The following MGAT5B variants were observed in gnomAD, a reference collection of about 807,000 sequenced individuals.
The protein encoded by MGAT5B is N-acetylglucosaminyl-transferase Vb.
Under a neutral mutation model 95.1 loss-of-function variants are expected in MGAT5B, and 54 were observed. The ratio of observed to expected loss-of-function variants is 0.57; its 90% CI spans 0.46 to 0.71. The LOEUF (loss-of-function observed/expected upper bound fraction) is 0.71. Among genes scored for constraint, MGAT5B ranks in the 30% least tolerant of loss-of-function variants. The pLI, the probability that MGAT5B is intolerant of heterozygous loss-of-function variation, is 0.00. For missense variants in MGAT5B, 935 were observed against 1,088.6 expected (o/e 0.86, Z 1.99); for synonymous variants, 464 against 451.0 (o/e 1.03, Z -0.36).
intron 2 of MGAT5B, among the ~76,000 whole-genome samples, chr17:76,876,210 C>G (rs889493992): frequency 6.6e-6 from 1 of 152,080 alleles, no homozygotes; most frequent in African/African-American, 2.4e-5. Flanking sequence ...CCTGGGGCAG[C>G]CCTGCAGAAA....
At chr17:76,946,207 C>T (rs573741703) in intron 15 of MGAT5B, 169 bp from the exon 16 acceptor site, 8 of 557,744 alleles carry the variant, frequency 1.4e-5, no homozygotes, top group Middle Eastern at 4.6e-4. Flanking sequence ...GTGCGGGGAA[C>T]GGGGACTCTG....
intron 10 of MGAT5B, among the ~76,000 whole-genome samples, chr17:76,927,724 G>A (rs1372230812): frequency 6.6e-6 from 1 of 152,220 alleles, no homozygotes; most frequent in Non-Finnish European, 1.5e-5. Flanking sequence ...CCTCGTGTCT[G>A]GTTCACGCTG....
chr17:76,902,854 C>T (rs1237209260), intron 4 of MGAT5B, among the ~76,000 whole-genome samples, 184 bp downstream of exon 4: 9 of 152,228 alleles, frequency 5.9e-5, no homozygotes, highest in Non-Finnish European at 1.2e-4. Flanking sequence ...TCCCTCGACC[C>T]GGCAGGAGGG....
chr17:76,913,606 A>G, intron 8 of MGAT5B: 2 of 447,736 alleles, frequency 4.5e-6, no homozygotes, highest in Non-Finnish European at 9.0e-6. Context: ...TTGTCAAAGG[A>G]TGGGAAAACA....
At chr17:76,937,531 A>G (rs890088441) in intron 12 of MGAT5B, among the ~76,000 whole-genome samples, 1 of 151,448 alleles carries the variant, frequency 6.6e-6, no homozygotes, top group African/African-American at 2.4e-5. Context: ...GGATGCATGG[A>G]TGGTGGGTGC....
At chr17:76,897,660 A>ACTTT (rs772516557) in intron 3 of MGAT5B, among the ~76,000 whole-genome samples, 6,921 of 67,374 alleles carry the variant, frequency 0.1, 555 homozygotes, top group Non-Finnish European at 0.13. Flanking sequence ...AAGTAAGGCC[A>ACTTT]CTTTCTTTCT....
intron 16 of MGAT5B, 44 bp downstream of exon 16, chr17:76,946,494 G>T: frequency 6.6e-7 from 1 of 1,505,326 alleles, no homozygotes; most frequent in African/African-American, 1.4e-5. Flanking sequence ...TGTCAGACCA[G>T]AGGAGGGGGC....
chr17:76,879,404 C>A (rs995902985), intron 2 of MGAT5B, among the ~76,000 whole-genome samples: 3 of 152,316 alleles, frequency 2.0e-5, no homozygotes. Flanking sequence ...AGTGCTCTGG[C>A]CACGGCACCG....
rs765459462 is a variant in MGAT5B, at chr17:76,947,974, C to T, written c.2068C>T (p.Arg690Trp). 6 of 1,611,974 alleles carry T rather than the reference C, an allele frequency of 3.7e-6. No individual in the cohort carries two copies. Among genetic ancestry groups the T allele is most frequent in the East Asian group, 2.2e-5 (1 of 44,830 alleles). Residue 690 changes from arginine to tryptophan, a missense_variant, in exon 17 of 18, where the codon CGG (arginine) becomes TGG (tryptophan). This residue lies in a region of MGAT5B where 440 missense variants were observed against 523.6 expected (regional missense o/e 0.84). Coordinates refer to ENST00000569840, the MANE Select transcript of MGAT5B (RefSeq NM_001199172.2). ...GGCCTGGCCCCCCGCGCACGCCCTG[C>T]GGGCCTGGCTGGCCGTGCCTGGGAG... ...PGAWPPAHAL[R>W]AWLAVPGRAC...
intron 12 of MGAT5B, among the ~76,000 whole-genome samples, chr17:76,936,178 C>A (rs1382985038): frequency 6.6e-6 from 1 of 151,820 alleles, no homozygotes; most frequent in Non-Finnish European, 1.5e-5. Context: ...GAGGCCATGG[C>A]GGGGTGGATC....
chr17:76,923,170 G>C (rs991924738), intron 8 of MGAT5B, among the ~76,000 whole-genome samples: 1 of 152,220 alleles, frequency 6.6e-6, no homozygotes, highest in Non-Finnish European at 1.5e-5. Flanking sequence ...TGCGCAAAGC[G>C]AGCATGCACC....
chr17:76,899,517 G>A (rs1968228376), intron 3 of MGAT5B, among the ~76,000 whole-genome samples: 1 of 152,120 alleles, frequency 6.6e-6, no homozygotes, highest in Non-Finnish European at 1.5e-5. Flanking sequence ...CATGCCTATT[G>A]TCCCAGCTAC....
In MGAT5B at chr17:76,904,188, G is replaced by A. The variant is rs929981358; in HGVS notation, c.520-64G>A. On this transcript the variant is annotated intron_variant, in intron 5 of 17. Transcript: ENST00000569840. ...TCAGGACCCCTGGGGGTGCACGTGCGGGGGAGTCCCCGAGGGTCAGTGGGG... is the reference window on the plus strand; with the variant it reads ...TCAGGACCCCTGGGGGTGCACGTGCAGGGGAGTCCCCGAGGGTCAGTGGGG... The A allele has an allele frequency of 1.4e-5, 21 of 1,503,834 alleles. No homozygotes were observed. The East Asian group carries it at 2.2e-4, about 16-fold the overall frequency. 93.2% of individuals were successfully genotyped at this position (1,503,834 alleles called of 1,614,324 possible).
chr17:76,903,533 A>G (rs642058), intron 5 of MGAT5B, among the ~76,000 whole-genome samples, 157 bp downstream of exon 5: 20,401 of 152,218 alleles, frequency 0.13, 1,782 homozygotes, highest in African/African-American at 0.22. Flanking sequence ...AATCCCCCAG[A>G]AAGAGTCTCC....
At chr17:76,943,693 G>A (rs914970300) in intron 15 of MGAT5B, among the ~76,000 whole-genome samples, 1 of 151,806 alleles carries the variant, frequency 6.6e-6, no homozygotes, top group African/African-American at 2.4e-5. Flanking sequence ...CTCCCGCCTC[G>A]GCCTCCCAAA....
At chr17:76,904,172 C>CT (rs1355832624) in intron 5 of MGAT5B, 80 bp from the exon 6 acceptor site, 12 of 1,430,694 alleles carry the variant, frequency 8.4e-6, no homozygotes, top group Non-Finnish European at 1.1e-5. Context: ...CTCAGGACCC[C>CT]TGGGGGTGCA....
At chr17:76,878,846 A>G (rs1421272726) in intron 2 of MGAT5B, among the ~76,000 whole-genome samples, 2 of 152,200 alleles carry the variant, frequency 1.3e-5, no homozygotes, top group Non-Finnish European at 2.9e-5. Context: ...TTAGGGGAAG[A>G]CACAGAAACA....
At position 76,918,164 on chromosome 17, in the gene MGAT5B, A is replaced by G. The variant is rs762584445; in HGVS notation, c.1026-6802A>G. Among the ~76,000 whole-genome samples, 1 of 148,274 alleles carries G rather than the reference A, an allele frequency of 6.7e-6. No homozygotes were observed. The highest frequency in any genetic ancestry group is 2.6e-5 in the African/African-American group (1 of 38,884). On this transcript the variant is annotated intron_variant, in intron 8 of 17. Transcript: ENST00000569840. The surrounding 1 kb of genome is among the most constrained non-coding windows in gnomAD (Gnocchi z 5.1). ...AGTGTTGAGGATACGCTGCTCCCTC[A>G]GTTTCCCTTTCGGAGGCTCCCCCCC...
At chr17:76,927,564 A>G (rs1296475260) in intron 10 of MGAT5B, among the ~76,000 whole-genome samples, 9 of 152,174 alleles carry the variant, frequency 5.9e-5, no homozygotes, top group African/African-American at 9.7e-5. Context: ...ATGATACTCT[A>G]AAATGTATAC....
Sources: gnomAD v4.1 joint callset for allele counts (sites outside exome capture counted in the v4.1 genomes callset) on GRCh38, gnomAD v4.1.1 for gene constraint, gnomAD v4.1.1 regional missense constraint, Gnocchi (gnomAD v3.1) non-coding constraint, MANE v1.5 for transcripts, NCBI Gene and HGNC (gene_info 2026-07-23, HGNC 2026-07-21) for gene names.